Variants in VPS8 observed in about 807,000 individuals in gnomAD.
VPS8 encodes the protein VPS8 subunit of CORVET complex.
A neutral mutation model predicts 216.4 loss-of-function variants in VPS8; 129 were observed. That is an observed-to-expected ratio of 0.60 (90% CI 0.52 to 0.69). The LOEUF (loss-of-function observed/expected upper bound fraction) is 0.69. VPS8 is among the 30% of genes least tolerant of loss of function. The pLI is 0.00. For synonymous variants in VPS8, 571 were observed against 565.4 expected (o/e 1.01, Z -0.14); for missense variants, 1,531 against 1,683.5 (o/e 0.91, Z 1.59).
intron 46 of VPS8, among the ~76,000 whole-genome samples, chr3:185,036,273 T>C (rs1173202382): frequency 2.6e-5 from 4 of 152,102 alleles, no homozygotes; most frequent in African/African-American, 4.8e-5. Context: ...CTAAAATTCA[T>C]GTAGAACAAA....
chr3:184,894,928 G>C lies in VPS8; in HGVS notation c.2004+3G>C. On this transcript the variant is annotated splice_donor_region_variant and intron_variant, in intron 23 of 47. Coordinates refer to ENST00000625842, the MANE Select transcript of VPS8 (RefSeq NM_001009921.3). ...TCACCAGCCTAGATATTCAGCAGGT[G>C]AGTTTATAGACAGTCTACTAACTTA... is the stretch of plus-strand genomic sequence containing the variant. 1.3e-6 allele frequency: 2 copies of C among 1,594,718 alleles called. No homozygotes were observed. The highest frequency in any genetic ancestry group is 1.7e-6 in the Non-Finnish European group (2 of 1,169,654).
rs57940868 is a variant in VPS8, at chr3:185,003,156, AT to A, written c.4002+3310del. Among the ~76,000 whole-genome samples the A allele has an allele frequency of 1.7e-3, 220 of 128,480 alleles. 2 individuals are homozygous for A. Among genetic ancestry groups the A allele is most frequent in the African/African-American group, 6.3e-3 (207 of 33,000 alleles). The allele number at this position is 128,480 out of a possible 152,430, so 84.3% of individuals were successfully genotyped here. On this transcript the variant is annotated intron_variant, in intron 45 of 47. Transcript: ENST00000625842. ...TTTATTTTTATTTTTATTTTTTCTC[AT>A]TTTTTTTTTTTTTTAATTGATCATT...
At chr3:185,017,138 A>C (rs891546373) in intron 45 of VPS8, among the ~76,000 whole-genome samples, 19 of 152,094 alleles carry the variant, frequency 1.2e-4, no homozygotes, top group African/African-American at 4.6e-4. Flanking sequence ...ATAAACTTAT[A>C]GGTACAGAAG....
At chr3:184,982,164 T>G (rs1362182768) in intron 40 of VPS8, among the ~76,000 whole-genome samples, 2 of 152,194 alleles carry the variant, frequency 1.3e-5, no homozygotes, top group Non-Finnish European at 2.9e-5. Context: ...TATTTCTTTA[T>G]GCAGCAATAG....
intron 46 of VPS8, among the ~76,000 whole-genome samples, chr3:185,035,140 T>A (rs960177045): frequency 6.6e-6 from 1 of 152,132 alleles, no homozygotes; most frequent in African/African-American, 2.4e-5. Flanking sequence ...CTAGACCAGA[T>A]GGAGTCACAG....
At chr3:184,820,197 A>G (rs973013066) in intron 1 of VPS8, among the ~76,000 whole-genome samples, 8 of 152,190 alleles carry the variant, frequency 5.3e-5, no homozygotes, top group African/African-American at 1.9e-4. Flanking sequence ...GTACTTCACA[A>G]GTCTCACCCC....
At chr3:184,940,112 A>T (rs1225009454) in intron 35 of VPS8, 85 bp from the exon 36 acceptor site, 1 of 628,484 alleles carries the variant, frequency 1.6e-6, no homozygotes, top group African/African-American at 1.9e-5. Context: ...GCATAAAGGG[A>T]TAGGTTAAAG....
chr3:184,812,837 A>G (rs553410363), intron 1 of VPS8: 4 of 152,324 alleles, frequency 2.6e-5, no homozygotes, highest in African/African-American at 9.6e-5. Context: ...GGACCCCTTT[A>G]GCCTCCAGGG....
At chr3:184,842,413 A>G (rs2108607961) in intron 7 of VPS8, among the ~76,000 whole-genome samples, 1 of 150,572 alleles carries the variant, frequency 6.6e-6, no homozygotes, top group Middle Eastern at 3.4e-3. Context: ...ATAATCTTTC[A>G]TTACAGTCTC....
chr3:184,983,258 T>C (rs1416630257), intron 42 of VPS8, among the ~76,000 whole-genome samples, 164 bp downstream of exon 42: 2 of 152,338 alleles, frequency 1.3e-5, no homozygotes, highest in Admixed American at 1.3e-4. Context: ...CCCTCATTCT[T>C]GAATCTTTTC....
Position 184,915,342 on chromosome 3 carries a change from TCCCAAC to T in VPS8, c.2263-12_2263-7del. 6.2e-7 allele frequency: 1 copy of T among 1,608,976 alleles called. No homozygotes were observed. The highest frequency in any genetic ancestry group is 1.7e-5 in the Admixed American group (1 of 58,984). On this transcript the variant is annotated splice_polypyrimidine_tract_variant and splice_region_variant and intron_variant, in intron 27 of 47. Transcript: ENST00000625842. ...GGTGAGAAAATAATCAACATTTTTT[TCCCAAC>T]TTGCAGGTTTTTGAATTTCTAATTC...
chr3:184,892,366 G>A (rs1196357285), intron 22 of VPS8, among the ~76,000 whole-genome samples: 1 of 152,098 alleles, frequency 6.6e-6, no homozygotes, highest in Admixed American at 6.5e-5. Context: ...ACAGGCGCGT[G>A]CCACCATACG....
chr3:184,883,810 C>T (rs911750360), intron 21 of VPS8, among the ~76,000 whole-genome samples: 6 of 152,042 alleles, frequency 3.9e-5, no homozygotes, highest in Non-Finnish European at 8.8e-5. Flanking sequence ...TTATTTTATG[C>T]CCTTAATTAT....
chr3:184,921,312 T>A (rs764206420), intron 29 of VPS8, among the ~76,000 whole-genome samples: 4 of 152,256 alleles, frequency 2.6e-5, no homozygotes, highest in Non-Finnish European at 5.9e-5. Flanking sequence ...TCTGTCTTAG[T>A]ATTACACTTA....
intron 46 of VPS8, among the ~76,000 whole-genome samples, chr3:185,042,457 C>G (rs1374108877): frequency 6.6e-6 from 1 of 152,182 alleles, no homozygotes; most frequent in Admixed American, 6.5e-5. Context: ...GGCAAGACTC[C>G]AGGTTTGCAC....
intron 14 of VPS8, among the ~76,000 whole-genome samples, chr3:184,857,129 A>G (rs1725409576): frequency 6.6e-6 from 1 of 152,250 alleles, no homozygotes; most frequent in Admixed American, 6.5e-5. Context: ...AGCCACTAGG[A>G]CAGTGCTTGT....
chr3:185,005,841 C>T (rs561872985), intron 45 of VPS8, among the ~76,000 whole-genome samples: 28 of 152,018 alleles, frequency 1.8e-4, no homozygotes, highest in Non-Finnish European at 3.8e-4. Flanking sequence ...ATGTCATTGG[C>T]GAACAGTGAT....
chr3:184,939,053 T>G (rs1485794883), intron 35 of VPS8, among the ~76,000 whole-genome samples: 1 of 150,256 alleles, frequency 6.7e-6, no homozygotes, highest in African/African-American at 2.5e-5. Flanking sequence ...AAAAAAGGTC[T>G]GTTTGTGGAG....
chr3:185,032,696 C>T (rs939286530), intron 46 of VPS8, among the ~76,000 whole-genome samples: 10 of 151,860 alleles, frequency 6.6e-5, no homozygotes, highest in South Asian at 2.1e-4. Flanking sequence ...GACAAAGTCT[C>T]GCTCTGTCGC....
Sources: allele counts gnomAD v4.1 joint callset (sites outside exome capture counted in the v4.1 genomes callset), GRCh38; gene constraint gnomAD v4.1.1; transcripts MANE v1.5; gene names NCBI Gene and HGNC (gene_info 2026-07-23, HGNC 2026-07-21).